The following KCTD19 variants were observed in gnomAD, a reference collection of about 807,000 sequenced individuals.
The protein encoded by KCTD19 is potassium channel tetramerization domain containing 19, also known as BTB/POZ domain-containing protein KCTD19.
KCTD19 carries 67 observed loss-of-function variants against 103.5 expected under a neutral mutation model. That is an observed-to-expected ratio of 0.65 (90% CI 0.53 to 0.79). The LOEUF (loss-of-function observed/expected upper bound fraction) is 0.79, where lower values mean the gene tolerates loss of function less well. Among genes scored for constraint, KCTD19 ranks in the 30% least tolerant of loss-of-function variants. The probability of loss-of-function intolerance (pLI) is 0.00; values close to 1 mark genes in which losing one functional copy is unlikely to be tolerated. For missense variants in KCTD19, 980 were observed against 1,136.1 expected (o/e 0.86, Z 1.98); for synonymous variants, 439 against 452.2 (o/e 0.97, Z 0.37).
chr16:67,293,584 G>A lies in KCTD19; in HGVS notation c.2178C>T (p.Gly726=). Residue 726 remains glycine, a synonymous_variant, in exon 12 of 16, where the codon GGC becomes GGT. Transcript: ENST00000304372. This position sits in a 1 kb window ranked among gnomAD's most constrained non-coding sequence, Gnocchi z 4.0. ...TCTGCTTGCTCCAGTCCTTCAGGGT[G>A]CCAGCTCTTTTTGGGGGTAAGTATG... The part of the protein sequence containing the change: ...FKPYLPPKRA[G]TLKDWSKQRT... 6.2e-7 allele frequency: 1 copy of A among 1,614,066 alleles called. No individual in the cohort carries two copies. Among genetic ancestry groups the A allele is most frequent in the South Asian group, 1.1e-5 (1 of 91,086 alleles).
In KCTD19 at chr16:67,293,653, A is replaced by G; in HGVS notation, c.2109T>C (p.Ala703=). The G allele has an allele frequency of 6.2e-7, 1 of 1,613,908 alleles. No individual in the cohort carries two copies. The highest frequency in any genetic ancestry group is 1.1e-5 in the South Asian group (1 of 91,064). ...SEKDPGPQAG[A]GAGAKDKGPE... is the part of the protein sequence containing the mutation. ...GCCCCTTGTCTTTCGCTCCAGCTCC[A>G]GCCCCTGCCTGTGGTCCTGGATCCT... Residue 703 remains alanine, a synonymous_variant, in exon 12 of 16, where the codon GCT becomes GCC. Coordinates refer to ENST00000304372, the MANE Select transcript of KCTD19 (RefSeq NM_001100915.3). This position sits in a 1 kb window ranked among gnomAD's most constrained non-coding sequence, Gnocchi z 4.0.
chr16:67,320,784 T>C lies in KCTD19; in HGVS notation c.105A>G (p.Pro35=). 6.2e-7 allele frequency: 1 copy of C among 1,614,196 alleles called. No homozygotes were observed. Among genetic ancestry groups the C allele is most frequent in the Non-Finnish European group, 8.5e-7 (1 of 1,180,030 alleles). ...SVPRSKLSQF[P]DSLLWKEASA... is the part of the protein sequence containing the mutation. The stretch of plus-strand genomic sequence containing the variant: ...AAGCCTCTTTCCACAGCAGGGAGTC[T>C]GGAAACTGAGAGAGTTTGCTTCTGG... The change falls in exon 2 of 16, where the codon CCA becomes CCG. Residue 35 remains proline, a synonymous_variant. Coordinates refer to ENST00000304372, the MANE Select transcript of KCTD19 (RefSeq NM_001100915.3). The surrounding 1 kb of genome is among the most constrained non-coding windows in gnomAD (Gnocchi z 4.0).
At chr16:67,316,897 C>A (rs755324184) in intron 2 of KCTD19, among the ~76,000 whole-genome samples, 11 of 152,134 alleles carry the variant, frequency 7.2e-5, no homozygotes, top group Non-Finnish European at 1.2e-4. Flanking sequence ...AGAGCAGCAG[C>A]GTGAGCCTGG....
At chr16:67,326,288 C>G (rs958104236) in intron 1 of KCTD19, among the ~76,000 whole-genome samples, 2 of 152,136 alleles carry the variant, frequency 1.3e-5, no homozygotes, top group African/African-American at 4.8e-5. Flanking sequence ...CCCAACTCCT[C>G]AGAGCCAGGA....
rs573916325 is a variant in KCTD19 at position 67,322,748 on chromosome 16, G to A, written c.4-1863C>T. Reference sequence around the variant, plus strand: ...ATTTAAAAACATTTGTGCTTTAGAGGGCACCATCAAGAAGGTGAAAAGATA... The same window carrying A: ...ATTTAAAAACATTTGTGCTTTAGAGAGCACCATCAAGAAGGTGAAAAGATA... On this transcript the variant is annotated intron_variant, in intron 1 of 15. Coordinates refer to ENST00000304372, the MANE Select transcript of KCTD19 (RefSeq NM_001100915.3). Among the ~76,000 whole-genome samples, 5 of 152,150 alleles carry A rather than the reference G, an allele frequency of 3.3e-5. No homozygotes were observed. In the South Asian group the frequency reaches 1.0e-3, roughly 32 times the overall value.
chr16:67,323,474 G>C lies in KCTD19; in HGVS notation c.4-2589C>G, dbSNP rs2037097394. ...GGAGTTTGAGGCTGCAGTGAGCTGT[G>C]ATCGTGCCATTGCACTCCAGCCTGG... On this transcript the variant is annotated intron_variant, in intron 1 of 15. Transcript: ENST00000304372. The surrounding 1 kb of genome is among the most constrained non-coding windows in gnomAD (Gnocchi z 4.1). Among the ~76,000 whole-genome samples the C allele has an allele frequency of 6.6e-6, 1 of 152,174 alleles. No individual in the cohort carries two copies. The highest frequency in any genetic ancestry group is 2.1e-4 in the South Asian group (1 of 4,834).
chr16:67,325,010 C>T (rs567405482), intron 1 of KCTD19, among the ~76,000 whole-genome samples: 1 of 152,156 alleles, frequency 6.6e-6, no homozygotes, highest in Non-Finnish European at 1.5e-5. Context: ...CTCACATAGA[C>T]CAGAAAGCAT....
chr16:67,314,406 C>A (rs368881588), intron 2 of KCTD19, among the ~76,000 whole-genome samples: 2 of 152,048 alleles, frequency 1.3e-5, no homozygotes, highest in East Asian at 1.9e-4. Flanking sequence ...CTAAAAGAAA[C>A]CCTGTACCCA....
chr16:67,324,833 G>A (rs1416597129), intron 1 of KCTD19, among the ~76,000 whole-genome samples: 1 of 152,202 alleles, frequency 6.6e-6, no homozygotes, highest in African/African-American at 2.4e-5. Context: ...GGGGTAATAA[G>A]AGAAATATGA....
chr16:67,308,195 CT>C (rs2036913710), intron 2 of KCTD19, among the ~76,000 whole-genome samples: 2 of 139,338 alleles, frequency 1.4e-5, no homozygotes, highest in African/African-American at 5.5e-5. Context: ...TAGTGCCTTG[CT>C]GTGTCGCCCA....
At chr16:67,305,534 ACCC>A in intron 2 of KCTD19, 2 of 446,362 alleles carry the variant, frequency 4.5e-6, no homozygotes, top group Non-Finnish European at 9.0e-6. Flanking sequence ...GGAGTGGAGC[ACCC>A]CAACTAGGCA....
At chr16:67,325,199 C>CTTTTTTTTTTTTTTT (rs918808425) in intron 1 of KCTD19, among the ~76,000 whole-genome samples, 1 of 132,332 alleles carries the variant, frequency 7.6e-6, no homozygotes, top group African/African-American at 3.4e-5. Flanking sequence ...TTCTTTTTTT[C>CTTTTTTTTTTTTTTT]TTTTTTTCTT....
chr16:67,294,787 G>A, intron 10 of KCTD19, 93 bp from the exon 11 acceptor site: 1 of 1,039,878 alleles, frequency 9.6e-7, no homozygotes, highest in Non-Finnish European at 1.5e-6. Context: ...GGGAGTTAAT[G>A]CTAGACAGCA....
intron 2 of KCTD19, among the ~76,000 whole-genome samples, chr16:67,306,334 C>T (rs762575658): frequency 4.6e-5 from 7 of 152,256 alleles, no homozygotes; most frequent in African/African-American, 1.7e-4. Flanking sequence ...GGTGCAATCT[C>T]GGCTCACTGC....
chr16:67,294,053 G>A lies in KCTD19; in HGVS notation c.1709C>T (p.Pro570Leu), dbSNP rs1367897563. The change falls in exon 12 of 16, where the codon CCC (proline) becomes CTC (leucine). Residue 570 changes from proline (P) to leucine (L), a missense_variant. Physicochemically the swap from Pro to Leu is moderately conservative, Grantham distance 98. Coordinates refer to ENST00000304372, the MANE Select transcript of KCTD19 (RefSeq NM_001100915.3). Reference protein sequence around the residue: ...QMDEAEQYTRPIQVSLCRNAK... With the variant: ...QMDEAEQYTRLIQVSLCRNAK... Reference sequence around the variant, plus strand: ...ATTTCGGCATAGGGACACCTGGATGGGCCGAGTGTACTGCTCAGCCTCATC... The same window carrying A: ...ATTTCGGCATAGGGACACCTGGATGAGCCGAGTGTACTGCTCAGCCTCATC... 3 of 1,614,038 alleles carry A rather than the reference G, an allele frequency of 1.9e-6. No individual in the cohort carries two copies. Among genetic ancestry groups the A allele is most frequent in the Non-Finnish European group, 2.5e-6 (3 of 1,180,048 alleles).
At chr16:67,326,587 C>A in intron 1 of KCTD19, 118 bp downstream of exon 1, 1 of 1,400,200 alleles carries the variant, frequency 7.1e-7, no homozygotes. Flanking sequence ...GGGGGCCCCT[C>A]GCTCTCTCCC....
At chr16:67,299,920 T>C in intron 5 of KCTD19, 1 of 256,384 alleles carries the variant, frequency 3.9e-6, no homozygotes, top group East Asian at 8.4e-5. Context: ...CATCCAAAGG[T>C]AAAGAACGGC....
chr16:67,318,154 C>CT (rs1219100064), intron 2 of KCTD19, among the ~76,000 whole-genome samples: 1 of 152,168 alleles, frequency 6.6e-6, no homozygotes, highest in Non-Finnish European at 1.5e-5. Flanking sequence ...GCTTTACAGT[C>CT]TTTTTTTAGG....
chr16:67,326,659 C>T (rs2037181053), intron 1 of KCTD19, 46 bp downstream of exon 1: 2 of 1,569,476 alleles, frequency 1.3e-6, no homozygotes, highest in East Asian at 2.4e-5. Context: ...GGCCCCCATT[C>T]GCCGCTTTGG....
Sources: allele counts gnomAD v4.1 joint callset (sites outside exome capture counted in the v4.1 genomes callset), GRCh38; gene constraint gnomAD v4.1.1; non-coding constraint Gnocchi (gnomAD v3.1); transcripts MANE v1.5; gene names NCBI Gene and HGNC (gene_info 2026-07-23, HGNC 2026-07-21).